OGDH: variants seen among roughly 807,000 people sequenced by gnomAD.
OGDH encodes the protein 2-oxoglutarate dehydrogenase complex component E1.
In OGDH, 38 loss-of-function variants were observed where a neutral mutation model predicts 116.6. The ratio of observed to expected loss-of-function variants is 0.33; its 90% CI spans 0.25 to 0.43. The LOEUF (loss-of-function observed/expected upper bound fraction) is 0.43. Ranked by LOEUF, OGDH falls within the 20% of genes least tolerant of loss-of-function variation. OGDH has a pLI of 1.00. For synonymous variants in OGDH, 488 were observed against 533.3 expected (o/e 0.92, Z 1.17); for missense variants, 825 against 1,357.2 (o/e 0.61, Z 6.16).
chr7:44,667,065 A>T (rs575876732), intron 5 of OGDH, among the ~76,000 whole-genome samples: 1 of 151,410 alleles, frequency 6.6e-6, no homozygotes. Context: ...TCCCACCCCA[A>T]CCTCTTGTAT....
chr7:44,707,570 G>C lies in OGDH; in HGVS notation c.2797-12G>C. 1 of 1,613,368 alleles carries C rather than the reference G, an allele frequency of 6.2e-7. No individual in the cohort carries two copies. The highest frequency in any genetic ancestry group is 8.5e-7 in the Non-Finnish European group (1 of 1,179,970). ...GTTTCCTCTTTTTGATCTGACCCCT[G>C]CTGTCTCCTAGCTGTCGCCATTCCC... On this transcript the variant is annotated splice_polypyrimidine_tract_variant and intron_variant, in intron 21 of 22. Coordinates refer to ENST00000222673, the MANE Select transcript of OGDH (RefSeq NM_002541.4). This position sits in a 1 kb window ranked among gnomAD's most constrained non-coding sequence, Gnocchi z 5.2.
chr7:44,629,611 G>T (rs138617483), intron 2 of OGDH, among the ~76,000 whole-genome samples: 1 of 127,404 alleles, frequency 7.8e-6, no homozygotes, highest in African/African-American at 3.1e-5. Context: ...GACGAGTCTC[G>T]CTCTGTCACC....
intron 2 of OGDH, among the ~76,000 whole-genome samples, chr7:44,644,021 AC>A (rs1378780417): frequency 6.6e-6 from 1 of 152,238 alleles, no homozygotes; most frequent in Non-Finnish European, 1.5e-5. Flanking sequence ...AGCCTGGCCA[AC>A]ATGATAAAAC....
At chr7:44,678,883 T>C (rs1362079742) in intron 9 of OGDH, among the ~76,000 whole-genome samples, 1 of 152,258 alleles carries the variant, frequency 6.6e-6, no homozygotes, top group Non-Finnish European at 1.5e-5. Flanking sequence ...TTTCTGTAAG[T>C]GCAGCTGAGG....
chr7:44,634,946 A>G (rs1186180093), intron 2 of OGDH, among the ~76,000 whole-genome samples: 1 of 152,224 alleles, frequency 6.6e-6, no homozygotes, highest in Non-Finnish European at 1.5e-5. Context: ...CCCTGTTTGG[A>G]CATACAGGGT....
At chr7:44,674,245 G>A (rs754259) in intron 6 of OGDH, among the ~76,000 whole-genome samples, 166 bp from the exon 7 acceptor site, 35,228 of 152,042 alleles carry the variant, frequency 0.23, 7,363 homozygotes, top group African/African-American at 0.54. Flanking sequence ...AGGTTTCACC[G>A]TGTTGGCCAG....
Position 44,636,349 on chromosome 7 carries a change from G to A in OGDH, c.223-8978G>A, listed in dbSNP as rs1250489493. 2.0e-5 allele frequency among the ~76,000 whole-genome samples: 3 copies of A among 152,334 alleles called. No homozygotes were observed. The East Asian group carries it at 5.8e-4, about 29-fold the overall frequency. On this transcript the variant is annotated intron_variant, in intron 2 of 22. Coordinates refer to ENST00000222673, the MANE Select transcript of OGDH (RefSeq NM_002541.4). ...CAACCAAGGACTGGCAGGGAGCTTG[G>A]CCCTCAAGACTCCCAACTGCTGACT...
intron 5 of OGDH, among the ~76,000 whole-genome samples, chr7:44,671,167 C>T (rs892297388): frequency 6.6e-6 from 1 of 152,076 alleles, no homozygotes; most frequent in Non-Finnish European, 1.5e-5. Context: ...TGGGCATCTG[C>T]ATTTGGTGAG....
intron 2 of OGDH, among the ~76,000 whole-genome samples, chr7:44,629,273 G>A (rs1785329574): frequency 6.6e-6 from 1 of 152,218 alleles, no homozygotes; most frequent in African/African-American, 2.4e-5. Flanking sequence ...AGTTCCTTGT[G>A]ATGCATCTGC....
At chr7:44,703,986 A>G (rs1285264916) in intron 20 of OGDH, among the ~76,000 whole-genome samples, 1 of 152,094 alleles carries the variant, frequency 6.6e-6, no homozygotes, top group Non-Finnish European at 1.5e-5. Flanking sequence ...TCCATGTTTC[A>G]GCTATTATGA....
chr7:44,691,981 TAAAAAAAA>T (rs371665967), intron 10 of OGDH, among the ~76,000 whole-genome samples: 3 of 102,636 alleles, frequency 2.9e-5, no homozygotes, highest in African/African-American at 1.3e-4. Flanking sequence ...GACTCTGTCT[TAAAAAAAA>T]AAAAAAAAAA....
chr7:44,666,505 G>T, intron 4 of OGDH: 1 of 293,062 alleles, frequency 3.4e-6, no homozygotes, highest in Non-Finnish European at 6.2e-6. Context: ...GAATTTTATT[G>T]TGACTTACCT....
intron 14 of OGDH, 67 bp downstream of exon 14, chr7:44,696,624 C>A: frequency 6.3e-7 from 1 of 1,592,888 alleles, no homozygotes; most frequent in Non-Finnish European, 8.6e-7. Flanking sequence ...CTGTCTAGGA[C>A]TGTGACCTTG....
At position 44,633,252 on chromosome 7, in the gene OGDH, C is replaced by CAAA. The variant is rs1163808681; in HGVS notation, c.222+8707_222+8709dup. Among the ~76,000 whole-genome samples the CAAA allele has an allele frequency of 9.7e-3, 784 of 80,792 alleles. 12 individuals are homozygous for CAAA. Among genetic ancestry groups the CAAA allele is most frequent in the Middle Eastern group, 0.013 (2 of 154 alleles). 53.0% of individuals were successfully genotyped at this position (80,792 alleles called of 152,430 possible). On this transcript the variant is annotated intron_variant, in intron 2 of 22. Transcript: ENST00000222673. ...TGGGCAACAGAGCGAGACTCTGTGT[C>CAAA]AAAAAAAAAAAAAAAAAAAAAACCC...
chr7:44,694,286 G>A lies in OGDH; in HGVS notation c.1516-138G>A, dbSNP rs1788488224. On this transcript the variant is annotated intron_variant, in intron 11 of 22. Transcript: ENST00000222673. The surrounding 1 kb of genome is among the most constrained non-coding windows in gnomAD (Gnocchi z 4.2). Reference sequence around the variant, plus strand: ...AGAGATACACAGAATCCTAATTCTAGAGAAGGTAAACTCCAGGGCAGGCAT... The same window carrying A: ...AGAGATACACAGAATCCTAATTCTAAAGAAGGTAAACTCCAGGGCAGGCAT... The A allele has an allele frequency of 1.8e-6, 2 of 1,088,030 alleles. No individual in the cohort carries two copies. Among genetic ancestry groups the A allele is most frequent in the Non-Finnish European group, 2.6e-6 (2 of 768,308 alleles). 67.4% of individuals were successfully genotyped at this position (1,088,030 alleles called of 1,614,324 possible).
intron 1 of OGDH, among the ~76,000 whole-genome samples, chr7:44,618,935 G>A (rs774896491): frequency 2.2e-4 from 33 of 152,224 alleles, no homozygotes; most frequent in Non-Finnish European, 3.8e-4. Context: ...TCCCCACTCG[G>A]TCTGTTGGTA....
chr7:44,646,229 T>TG (rs1013932937), intron 3 of OGDH, among the ~76,000 whole-genome samples: 9 of 152,238 alleles, frequency 5.9e-5, no homozygotes, highest in African/African-American at 1.9e-4. Context: ...CAAGTGAGCC[T>TG]GGTGCTTCCC....
intron 10 of OGDH, among the ~76,000 whole-genome samples, chr7:44,689,952 G>A (rs903921493): frequency 4.6e-5 from 7 of 152,098 alleles, no homozygotes; most frequent in African/African-American, 7.2e-5. Context: ...TGCCTAATCC[G>A]AGGTCACAAA....
intron 3 of OGDH, chr7:44,647,303 C>T: frequency 1.6e-6 from 1 of 611,680 alleles, no homozygotes; most frequent in East Asian, 2.8e-5. Context: ...TATTCCAAGA[C>T]TTTTAAAAAC....
Sources: allele counts gnomAD v4.1 joint callset (sites outside exome capture counted in the v4.1 genomes callset), GRCh38; gene constraint gnomAD v4.1.1; non-coding constraint Gnocchi (gnomAD v3.1); transcripts MANE v1.5; gene names NCBI Gene and HGNC (gene_info 2026-07-23, HGNC 2026-07-21).